The following GK5 variants were observed in gnomAD, a reference collection of about 807,000 sequenced individuals.
GK5 encodes the protein glycerol kinase 5.
GK5 carries 39 observed loss-of-function variants against 77.3 expected under a neutral mutation model. The observed-to-expected ratio is 0.50, with a 90% CI of 0.39 to 0.66. The LOEUF (loss-of-function observed/expected upper bound fraction) is 0.66, where lower values mean the gene tolerates loss of function less well. GK5 is among the 30% of genes least tolerant of loss of function. The pLI, the probability that GK5 is intolerant of heterozygous loss-of-function variation, is 0.00. For synonymous variants in GK5, 211 were observed against 208.0 expected, an observed-to-expected ratio of 1.01 and a Z score of -0.13; for missense variants, 487 against 633.8, an observed-to-expected ratio of 0.77 and a Z score of 2.49.
intron 9 of GK5, among the ~76,000 whole-genome samples, chr3:142,183,849 T>C (rs1222038237): frequency 2.0e-5 from 3 of 152,190 alleles, no homozygotes; most frequent in East Asian, 3.9e-4. Flanking sequence ...TCCTCTCACA[T>C]TGGTCTCCCA....
At chr3:142,218,911 G>A (rs1331942681) in intron 1 of GK5, among the ~76,000 whole-genome samples, 6 of 152,062 alleles carry the variant, frequency 3.9e-5, no homozygotes, top group Non-Finnish European at 2.9e-5. Context: ...AGAAAACAAA[G>A]AACTCAATTT....
At chr3:142,197,806 C>T (rs2063956605) in intron 5 of GK5, among the ~76,000 whole-genome samples, 1 of 151,942 alleles carries the variant, frequency 6.6e-6, no homozygotes, top group Admixed American at 6.6e-5. Flanking sequence ...AGGCAGATCA[C>T]GAGGTCAGGA....
At chr3:142,204,589 G>T (rs1442274082) in intron 4 of GK5, 106 bp downstream of exon 4, 1 of 773,932 alleles carries the variant, frequency 1.3e-6, no homozygotes, top group East Asian at 2.5e-5. Flanking sequence ...GTGTGCGTAT[G>T]TCTTCTTAAT....
chr3:142,185,633 A>G (rs983714588), intron 9 of GK5: 2 of 1,176,258 alleles, frequency 1.7e-6, no homozygotes, highest in Non-Finnish European at 2.1e-6. Flanking sequence ...ACTAAATACC[A>G]CTCAGAATTA....
chr3:142,190,433 C>T (rs1422697849), intron 5 of GK5, among the ~76,000 whole-genome samples: 1 of 152,060 alleles, frequency 6.6e-6, no homozygotes, highest in Non-Finnish European at 1.5e-5. Context: ...GGTCCTAGGG[C>T]AATGGCCCAT....
intron 12 of GK5, among the ~76,000 whole-genome samples, 190 bp from the exon 13 acceptor site, chr3:142,172,646 T>C (rs1269078050): frequency 2.6e-5 from 4 of 152,238 alleles, no homozygotes; most frequent in Non-Finnish European, 5.9e-5. Flanking sequence ...TATTGAGTCA[T>C]AGTTACTGTA....
At chr3:142,187,876 T>TA in intron 5 of GK5, 97 bp from the exon 6 acceptor site, 1 of 779,944 alleles carries the variant, frequency 1.3e-6, no homozygotes, top group Non-Finnish European at 2.1e-6. Flanking sequence ...CCCATTTTTA[T>TA]AAAAATTAAT....
chr3:142,219,793 T>C (rs947649936), intron 1 of GK5, among the ~76,000 whole-genome samples: 3 of 152,140 alleles, frequency 2.0e-5, no homozygotes, highest in African/African-American at 7.2e-5. Flanking sequence ...CTGAGCAACA[T>C]GGCAAAACCC....
Position 142,159,355 on chromosome 3 carries a change from C to A in GK5, c.*6267G>T, listed in dbSNP as rs1046787325. The A allele has an allele frequency of 3.3e-5, 5 of 152,192 alleles. No individual in the cohort carries two copies. The highest frequency in any genetic ancestry group is 1.2e-4 in the African/African-American group (5 of 41,452). 9.4% of individuals were successfully genotyped at this position (152,192 alleles called of 1,614,324 possible). A position where few individuals can be genotyped will look rare whatever the true frequency, so the allele number is the denominator to read the frequency against. ...TTCATTTAAATGGGAGTCTCTATAT[C>A]ATTTGTTTCCTAAACATCACGGGTA... On this transcript the variant is annotated 3_prime_UTR_variant, in exon 16 of 16. Transcript: ENST00000392993.
intron 4 of GK5, among the ~76,000 whole-genome samples, chr3:142,202,286 G>A (rs146755875): frequency 3.3e-5 from 5 of 152,140 alleles, no homozygotes; most frequent in East Asian, 1.9e-4. Flanking sequence ...GCGGAAGACC[G>A]GGCATCTGGG....
intron 5 of GK5, among the ~76,000 whole-genome samples, chr3:142,188,504 T>A (rs1029613676): frequency 2.6e-5 from 4 of 152,172 alleles, no homozygotes; most frequent in Admixed American, 1.3e-4. Flanking sequence ...CCAGCCTGGG[T>A]GGCAGAGCGA....
intron 5 of GK5, among the ~76,000 whole-genome samples, chr3:142,197,867 ACAAAAACTAGCTGGG>A (rs1455519518): frequency 2.0e-5 from 3 of 152,082 alleles, no homozygotes; most frequent in Non-Finnish European, 4.4e-5. Context: ...TACTAAAAAT[ACAAAAACTAGCTGGG>A]CATGGTGGCA....
At chr3:142,181,403 G>T in intron 11 of GK5, 58 bp downstream of exon 11, 2 of 963,618 alleles carry the variant, frequency 2.1e-6, no homozygotes, top group Non-Finnish European at 1.6e-6. Context: ...CTGCAATCCT[G>T]TGGCATTCTT....
In GK5 at chr3:142,159,847, C is replaced by CTTTTTTTTTTTTTTTTTTTTT. The variant is rs1407448771; in HGVS notation, c.*5774_*5775insAAAAAAAAAAAAAAAAAAAAA. On this transcript the variant is annotated 3_prime_UTR_variant, in exon 16 of 16. Transcript: ENST00000392993. Reference sequence around the variant, plus strand: ...TGGGGCTTTCTCTCTCTCTCTCTCTCTCTCTCTTTTTTTTTTTTGAGACAG... The same window carrying CTTTTTTTTTTTTTTTTTTTTT: ...TGGGGCTTTCTCTCTCTCTCTCTCTCTTTTTTTTTTTTTTTTTTTTTTCTCTCTTTTTTTTTTTTGAGACAG... The CTTTTTTTTTTTTTTTTTTTTT allele has an allele frequency of 1.8e-3, 184 of 103,062 alleles. 6 individuals are homozygous for CTTTTTTTTTTTTTTTTTTTTT. Among genetic ancestry groups the CTTTTTTTTTTTTTTTTTTTTT allele is most frequent in the African/African-American group, 6.9e-3 (174 of 25,058 alleles). The allele number at this position is 103,062 out of a possible 1,614,324, so 6.4% of individuals were successfully genotyped here. A position where few individuals can be genotyped will look rare whatever the true frequency, so the allele number is the denominator to read the frequency against.
At chr3:142,202,341 T>C (rs772606281) in intron 4 of GK5, among the ~76,000 whole-genome samples, 14 of 152,156 alleles carry the variant, frequency 9.2e-5, no homozygotes, top group Non-Finnish European at 1.9e-4. Flanking sequence ...CAAACACACC[T>C]CAATTACTTC....
intron 11 of GK5, among the ~76,000 whole-genome samples, chr3:142,180,526 T>C (rs1400530397): frequency 6.6e-6 from 1 of 152,164 alleles, no homozygotes; most frequent in East Asian, 1.9e-4. Context: ...GATCTCGAAC[T>C]CCCAACCTCA....
intron 4 of GK5, among the ~76,000 whole-genome samples, chr3:142,200,872 C>T (rs954617771): frequency 6.6e-6 from 1 of 152,192 alleles, no homozygotes; most frequent in Non-Finnish European, 1.5e-5. Flanking sequence ...GGGCAGAATC[C>T]TTGTCTTTTT....
intron 9 of GK5, among the ~76,000 whole-genome samples, chr3:142,183,853 T>G (rs955542601): frequency 1.3e-5 from 2 of 151,980 alleles, no homozygotes; most frequent in Admixed American, 6.6e-5. Context: ...CTCACATTGG[T>G]CTCCCAGAAT....
chr3:142,211,133 T>G (rs761423499), intron 3 of GK5, among the ~76,000 whole-genome samples: 10 of 152,260 alleles, frequency 6.6e-5, no homozygotes, highest in Admixed American at 3.3e-4. Context: ...AAATTGGGGA[T>G]GTCCCCAGGG....
Sources: allele counts gnomAD v4.1 joint callset (sites outside exome capture counted in the v4.1 genomes callset), GRCh38; gene constraint gnomAD v4.1.1; transcripts MANE v1.5; gene names NCBI Gene and HGNC (gene_info 2026-07-23, HGNC 2026-07-21).